The following HYDIN variants were observed in gnomAD, a reference collection of about 807,000 sequenced individuals.
The protein encoded by HYDIN is axonemal central pair apparatus protein HYDIN.
Under a neutral mutation model 403.9 loss-of-function variants are expected in HYDIN, and 132 were observed. That is an observed-to-expected ratio of 0.33 (90% CI 0.28 to 0.38). HYDIN has a LOEUF of 0.38. Ranked by LOEUF, HYDIN falls within the 10% of genes least tolerant of loss-of-function variation. The probability of loss-of-function intolerance (pLI) is 1.00; values close to 1 mark genes in which losing one functional copy is unlikely to be tolerated. For missense variants in HYDIN, 2,827 were observed against 5,009.5 expected (o/e 0.56, Z 13.15); for synonymous variants, 1,202 against 1,891.7 (o/e 0.64, Z 9.46).
At chr16:71,220,556 C>A (rs903177597) in intron 1 of HYDIN, among the ~76,000 whole-genome samples, 24 of 152,240 alleles carry the variant, frequency 1.6e-4, no homozygotes, top group Non-Finnish European at 3.4e-4. Context: ...TGTATATATT[C>A]TTCAGCTGGC....
intron 18 of HYDIN, among the ~76,000 whole-genome samples, chr16:71,049,512 A>C (rs1446742777): frequency 2.7e-4 from 41 of 152,214 alleles, no homozygotes. Flanking sequence ...GCAAATGTAA[A>C]AATGCTAGAA....
chr16:70,981,835 GA>G (rs2079053948), intron 28 of HYDIN, among the ~76,000 whole-genome samples: 1 of 151,972 alleles, frequency 6.6e-6, no homozygotes, highest in Non-Finnish European at 1.5e-5. Context: ...AATGTAAAAA[GA>G]AAAATGGTTC....
chr16:70,967,105 C>T (rs1206183068), intron 36 of HYDIN, among the ~76,000 whole-genome samples: 2 of 151,860 alleles, frequency 1.3e-5, no homozygotes, highest in Non-Finnish European at 2.9e-5. Flanking sequence ...ATTAAGAGGC[C>T]GTTTCAAAGA....
At chr16:71,149,852 T>G (rs895083317) in intron 7 of HYDIN, among the ~76,000 whole-genome samples, 3 of 151,290 alleles carry the variant, frequency 2.0e-5, no homozygotes, top group East Asian at 1.9e-4. Flanking sequence ...ACAAATACTT[T>G]TAAATTGATC....
chr16:71,075,331 T>C (rs2082596604), intron 13 of HYDIN, among the ~76,000 whole-genome samples: 1 of 148,802 alleles, frequency 6.7e-6, no homozygotes, highest in Non-Finnish European at 1.5e-5. Context: ...GAGGAACAGC[T>C]GTTGATTTTT....
At chr16:71,033,814 T>C (rs113489681) in intron 18 of HYDIN, among the ~76,000 whole-genome samples, 2,469 of 151,892 alleles carry the variant, frequency 0.016, 90 homozygotes, top group South Asian at 0.13. Flanking sequence ...CCCATTTTGA[T>C]TGCTTTGTCA....
intron 10 of HYDIN, among the ~76,000 whole-genome samples, chr16:71,110,425 A>T (rs1335258796): frequency 1.4e-5 from 2 of 139,438 alleles, no homozygotes; most frequent in Non-Finnish European, 3.0e-5. Context: ...ATTTATATAT[A>T]ATTATAAATA....
chr16:70,864,172 A>T (rs1263235290), intron 67 of HYDIN, among the ~76,000 whole-genome samples: 7 of 150,364 alleles, frequency 4.7e-5, no homozygotes, highest in Non-Finnish European at 1.0e-4. Context: ...CTCTTCTAAA[A>T]ATACAAAAAT....
At position 71,173,476 on chromosome 16, in the gene HYDIN, T is replaced by C. The variant is rs192837466; in HGVS notation, c.516+2131A>G. Among the ~76,000 whole-genome samples, 269 of 152,344 alleles carry C rather than the reference T, an allele frequency of 1.8e-3. 1 individual carries two copies. Among genetic ancestry groups the C allele is most frequent in the African/African-American group, 6.3e-3 (261 of 41,570 alleles). On this transcript the variant is annotated intron_variant, in intron 5 of 85. Coordinates refer to ENST00000393567, the MANE Select transcript of HYDIN (RefSeq NM_001270974.2). Reference sequence around the variant, plus strand: ...TACATAGCAACATATTTTAAATACATTTCAACTATTTCTTTGCAGGATAAA... The same window carrying C: ...TACATAGCAACATATTTTAAATACACTTCAACTATTTCTTTGCAGGATAAA...
In HYDIN at chr16:70,868,607, G is replaced by T; in HGVS notation, c.11273C>A (p.Pro3758His). Residue 3758 changes from proline to histidine, a missense_variant, in exon 66 of 86, where the codon CCC becomes CAC. Transcript: ENST00000393567. The part of the protein sequence containing the change: ...RMHTVKWVDV[P>H]RNMPGTFTTK... ...AGTGAAAGTCCCAGGCATGTTTCTG[G>T]GTACGTCCACCCACTTGACTGTGTG... is the stretch of plus-strand genomic sequence containing the variant. 1.2e-6 allele frequency: 2 copies of T among 1,613,348 alleles called. No homozygotes were observed. The highest frequency in any genetic ancestry group is 1.7e-6 in the Non-Finnish European group (2 of 1,179,924).
At chr16:70,990,124 G>A (rs1244088738) in intron 25 of HYDIN, among the ~76,000 whole-genome samples, 1 of 152,040 alleles carries the variant, frequency 6.6e-6, no homozygotes, top group East Asian at 1.9e-4. Flanking sequence ...AGCTGGGGGC[G>A]ATGTCTCATG....
intron 65 of HYDIN, among the ~76,000 whole-genome samples, chr16:70,871,711 G>A (rs1431395223): frequency 7.1e-6 from 1 of 140,728 alleles, no homozygotes; most frequent in Non-Finnish European, 1.5e-5. Context: ...TACTCTAAAG[G>A]ACACACACCT....
At chr16:71,220,868 T>G (rs896145748) in intron 1 of HYDIN, among the ~76,000 whole-genome samples, 2 of 152,190 alleles carry the variant, frequency 1.3e-5, no homozygotes, top group African/African-American at 4.8e-5. Context: ...TTGAACCAAC[T>G]CTCCTGCTGA....
rs2081159563 is a variant in HYDIN at position 71,038,219 on chromosome 16, A to G, written c.2530-6302T>C. 2.0e-5 allele frequency among the ~76,000 whole-genome samples: 3 copies of G among 152,416 alleles called. No homozygotes were observed. The South Asian group carries it at 6.2e-4, about 32-fold the overall frequency. On this transcript the variant is annotated intron_variant, in intron 18 of 85. Transcript: ENST00000393567. ...CCGTGACCACTGGTGATGAGTGTTA[A>G]GCCCTCCCCTCTGAGGTTTCATATA...
rs756531350 is a variant in HYDIN, at chr16:70,985,320, C to T, written c.4197G>A (p.Leu1399=). The T allele has an allele frequency of 6.9e-7, 1 of 1,440,976 alleles. No homozygotes were observed. Among genetic ancestry groups the T allele is most frequent in the Non-Finnish European group, 9.5e-7 (1 of 1,054,582 alleles). 89.3% of individuals were successfully genotyped at this position (1,440,976 alleles called of 1,614,324 possible). ...TTTCCCTCTCTGTGACATGGTCAAACAGCTTGAGAAGAGAAGGAGAAGAGT... is the reference window on the plus strand; with the variant it reads ...TTTCCCTCTCTGTGACATGGTCAAATAGCTTGAGAAGAGAAGGAGAAGAGT... The part of the protein sequence containing the change: ...DTKDIHYGLQ[L]FDHVTEREIT... The change falls in exon 28 of 86, where the codon CTG becomes CTA. Residue 1399 remains leucine (L), a splice_region_variant and synonymous_variant. Transcript: ENST00000393567.
chr16:70,865,290 C>T (rs1174853464), intron 67 of HYDIN: 1 of 363,726 alleles, frequency 2.7e-6, no homozygotes, highest in Non-Finnish European at 5.5e-6. Flanking sequence ...GGGGAACTAC[C>T]TTGTCCAGGA....
At chr16:71,221,222 C>T (rs1285787928) in intron 1 of HYDIN, among the ~76,000 whole-genome samples, 2 of 150,696 alleles carry the variant, frequency 1.3e-5, no homozygotes, top group African/African-American at 2.4e-5. Flanking sequence ...ATGCAGGGGA[C>T]GATTCCTTGG....
At chr16:71,195,748 A>G (rs972389472) in intron 1 of HYDIN, among the ~76,000 whole-genome samples, 1 of 152,200 alleles carries the variant, frequency 6.6e-6, no homozygotes, top group Non-Finnish European at 1.5e-5. Flanking sequence ...GCCTTCTTAT[A>G]TCTTAGGTAG....
chr16:71,108,141 G>A (rs1454879228), intron 10 of HYDIN, among the ~76,000 whole-genome samples: 1 of 152,092 alleles, frequency 6.6e-6, no homozygotes, highest in Admixed American at 6.6e-5. Flanking sequence ...ACACAAAGAG[G>A]GGAACAACAG....
Sources: gnomAD v4.1 joint callset for allele counts (sites outside exome capture counted in the v4.1 genomes callset) on GRCh38, gnomAD v4.1.1 for gene constraint, MANE v1.5 for transcripts, NCBI Gene and HGNC (gene_info 2026-07-23, HGNC 2026-07-21) for gene names.